The following CCSER1 variants were observed in gnomAD, a reference collection of about 807,000 sequenced individuals.
The protein encoded by CCSER1 is serine-rich coiled-coil domain-containing protein 1.
Under a neutral mutation model 82.0 loss-of-function variants are expected in CCSER1, and 41 were observed. The ratio of observed to expected loss-of-function variants is 0.50; its 90% CI spans 0.39 to 0.65. The LOEUF is 0.65. CCSER1 is among the 30% of genes least tolerant of loss of function. The pLI is 0.00. For missense variants in CCSER1, 1,119 were observed against 1,064.2 expected, an observed-to-expected ratio of 1.05 and a Z score of -0.72; for synonymous variants, 414 against 383.9, an observed-to-expected ratio of 1.08 and a Z score of -0.92.
intron 5 of CCSER1, among the ~76,000 whole-genome samples, chr4:90,471,537 T>C (rs753656663): frequency 2.0e-5 from 3 of 152,078 alleles, no homozygotes; most frequent in Non-Finnish European, 4.4e-5. Context: ...TAAAACATAA[T>C]AGAGATGCAA....
intron 4 of CCSER1, among the ~76,000 whole-genome samples, chr4:90,443,740 A>G (rs1760234649): frequency 6.6e-6 from 1 of 152,138 alleles, no homozygotes; most frequent in South Asian, 2.1e-4. Flanking sequence ...GAAGTCATTA[A>G]GCGAGAGCAA....
At chr4:90,400,894 G>A (rs1172420848) in intron 4 of CCSER1, among the ~76,000 whole-genome samples, 2 of 151,960 alleles carry the variant, frequency 1.3e-5, no homozygotes, top group Admixed American at 6.6e-5. Flanking sequence ...AGTGGATATA[G>A]CATTAAACTA....
chr4:91,520,415 A>G (rs1760394480), intron 10 of CCSER1, among the ~76,000 whole-genome samples: 1 of 151,792 alleles, frequency 6.6e-6, no homozygotes, highest in African/African-American at 2.4e-5. Flanking sequence ...AACTGTTTCA[A>G]TATAGTTTTT....
At chr4:90,298,008 T>C (rs931123570) in intron 1 of CCSER1, among the ~76,000 whole-genome samples, 3 of 152,188 alleles carry the variant, frequency 2.0e-5, no homozygotes, top group Non-Finnish European at 4.4e-5. Flanking sequence ...GCTGGCCTCA[T>C]AAAATGAGTT....
intron 5 of CCSER1, among the ~76,000 whole-genome samples, chr4:90,524,839 A>G (rs1773557078): frequency 6.6e-6 from 1 of 152,064 alleles, no homozygotes; most frequent in African/African-American, 2.4e-5. Context: ...TGTTGTTCCT[A>G]AATTCCTTCA....
intron 7 of CCSER1, among the ~76,000 whole-genome samples, chr4:90,768,944 G>A (rs1751669443): frequency 6.6e-6 from 1 of 152,098 alleles, no homozygotes; most frequent in Non-Finnish European, 1.5e-5. Context: ...ATCAAATAAT[G>A]CTAAATTTAA....
At chr4:91,364,928 A>G (rs1462003721) in intron 10 of CCSER1, among the ~76,000 whole-genome samples, 1 of 152,134 alleles carries the variant, frequency 6.6e-6, no homozygotes, top group African/African-American at 2.4e-5. Context: ...ATAAAGAGAT[A>G]GAGAAGGCCA....
chr4:91,268,933 C>T (rs1307463031), intron 10 of CCSER1, among the ~76,000 whole-genome samples: 2 of 152,174 alleles, frequency 1.3e-5, no homozygotes, highest in Non-Finnish European at 2.9e-5. Context: ...CGTATACGTG[C>T]AGGCTTGGGC....
intron 1 of CCSER1, among the ~76,000 whole-genome samples, chr4:90,166,608 A>T (rs931546272): frequency 2.6e-5 from 4 of 152,054 alleles, no homozygotes; most frequent in African/African-American, 9.7e-5. Context: ...ATATAAGTTT[A>T]AGGAGTATAA....
At chr4:91,007,757 A>G (rs950537152) in intron 9 of CCSER1, among the ~76,000 whole-genome samples, 3 of 144,744 alleles carry the variant, frequency 2.1e-5, no homozygotes, top group Non-Finnish European at 1.5e-5. Context: ...TTTGATATTT[A>G]CTATTTCTTT....
At chr4:90,718,659 A>G (rs779819321) in intron 6 of CCSER1, among the ~76,000 whole-genome samples, 8 of 152,180 alleles carry the variant, frequency 5.3e-5, no homozygotes, top group Non-Finnish European at 1.0e-4. Context: ...ATGATCTGTC[A>G]AAATTTACTT....
chr4:90,896,270 A>G (rs765041002), intron 8 of CCSER1, among the ~76,000 whole-genome samples: 4 of 151,926 alleles, frequency 2.6e-5, no homozygotes, highest in Admixed American at 6.6e-5. Context: ...ATTATGACAT[A>G]TCTAAGTGGG....
intron 5 of CCSER1, among the ~76,000 whole-genome samples, chr4:90,483,336 T>C (rs1376832436): frequency 6.6e-6 from 1 of 152,214 alleles, no homozygotes; most frequent in Non-Finnish European, 1.5e-5. Context: ...AATTTGCCAG[T>C]CTGTGTCTTT....
chr4:91,505,306 T>A (rs781002952), intron 10 of CCSER1, among the ~76,000 whole-genome samples: 1 of 152,226 alleles, frequency 6.6e-6, no homozygotes, highest in African/African-American at 2.4e-5. Context: ...ATTCATGGTG[T>A]ATATGTACCA....
At chr4:90,214,749 A>T (rs952781572) in intron 1 of CCSER1, among the ~76,000 whole-genome samples, 1 of 152,142 alleles carries the variant, frequency 6.6e-6, no homozygotes, top group African/African-American at 2.4e-5. Context: ...ACAGACTTTA[A>T]AAAAACATTT....
chr4:90,487,707 A>ACAATCTCGGCT (rs1767329079), intron 5 of CCSER1, among the ~76,000 whole-genome samples: 1 of 152,046 alleles, frequency 6.6e-6, no homozygotes, highest in Non-Finnish European at 1.5e-5. Flanking sequence ...GTGCAGTGGC[A>ACAATCTCGGCT]CAATCTCGGC....
intron 1 of CCSER1, among the ~76,000 whole-genome samples, chr4:90,304,590 T>C (rs573557855): frequency 3.9e-5 from 6 of 152,150 alleles, no homozygotes; most frequent in South Asian, 2.1e-4. Flanking sequence ...TAGATGGGAA[T>C]TGAACAATGA....
At chr4:90,959,844 T>C (rs987406739) in intron 9 of CCSER1, among the ~76,000 whole-genome samples, 3 of 151,632 alleles carry the variant, frequency 2.0e-5, no homozygotes, top group South Asian at 2.1e-4. Context: ...GCCTGTGACC[T>C]CTGAACTCTT....
At chr4:90,449,820 G>T (rs1188394103) in intron 4 of CCSER1, among the ~76,000 whole-genome samples, 1 of 152,208 alleles carries the variant, frequency 6.6e-6, no homozygotes, top group African/African-American at 2.4e-5. Context: ...GTGCATGGAT[G>T]CCAGGGTCCA....
Sources: allele counts gnomAD v4.1 joint callset (sites outside exome capture counted in the v4.1 genomes callset), GRCh38; gene constraint gnomAD v4.1.1; transcripts MANE v1.5; gene names NCBI Gene and HGNC (gene_info 2026-07-23, HGNC 2026-07-21).